SLCO6A1: variants seen among roughly 807,000 people sequenced by gnomAD.
The protein encoded by SLCO6A1 is solute carrier organic anion transporter family member 6A1.
In SLCO6A1, 65 loss-of-function variants were observed where a neutral mutation model predicts 72.7. The ratio of observed to expected loss-of-function variants is 0.89; its 90% confidence interval spans 0.73 to 1.10. SLCO6A1 has a LOEUF of 1.10. SLCO6A1 is among the 50% of genes least tolerant of loss of function. SLCO6A1 has a pLI of 0.00. For missense variants in SLCO6A1, 874 were observed against 872.6 expected (o/e 1.00, Z -0.02); for synonymous variants, 314 against 298.2 (o/e 1.05, Z -0.55).
chr5:102,467,806 T>C (rs1038346124), intron 4 of SLCO6A1, among the ~76,000 whole-genome samples: 3 of 152,124 alleles, frequency 2.0e-5, no homozygotes, highest in Non-Finnish European at 4.4e-5. Flanking sequence ...CATTTATCTT[T>C]TGTATTTTTG....
chr5:102,494,542 GCAT>G (rs1204840667), intron 1 of SLCO6A1, among the ~76,000 whole-genome samples: 1 of 152,128 alleles, frequency 6.6e-6, no homozygotes, highest in African/African-American at 2.4e-5. Flanking sequence ...CAAAAGGCTT[GCAT>G]CCAGATTATA....
chr5:102,403,229 C>G (rs111884380), intron 9 of SLCO6A1, among the ~76,000 whole-genome samples: 2 of 152,222 alleles, frequency 1.3e-5, no homozygotes, highest in African/African-American at 4.8e-5. Flanking sequence ...GCTTGTGAGC[C>G]TTGAACAGGA....
chr5:102,454,111 G>T (rs987642967), intron 6 of SLCO6A1, among the ~76,000 whole-genome samples: 1 of 152,068 alleles, frequency 6.6e-6, no homozygotes, highest in African/African-American at 2.4e-5. Context: ...GCTGCCTCTG[G>T]TAGCTACGAT....
intron 12 of SLCO6A1, among the ~76,000 whole-genome samples, chr5:102,383,012 T>C (rs1018676170): frequency 4.7e-5 from 7 of 148,692 alleles, no homozygotes; most frequent in Non-Finnish European, 1.0e-4. Flanking sequence ...ATGAAAAGTC[T>C]ATTGTATATA....
intron 6 of SLCO6A1, among the ~76,000 whole-genome samples, chr5:102,449,252 A>G (rs1484494718): frequency 2.6e-5 from 4 of 151,896 alleles, no homozygotes; most frequent in African/African-American, 9.7e-5. Flanking sequence ...GATGGGGTTG[A>G]CTTTGTAGGT....
At chr5:102,407,534 CATCA>C (rs1267426102) in intron 9 of SLCO6A1, among the ~76,000 whole-genome samples, 1 of 152,174 alleles carries the variant, frequency 6.6e-6, no homozygotes, top group Non-Finnish European at 1.5e-5. Context: ...CATCTGCCTG[CATCA>C]ATCAGTTTTA....
Position 102,390,536 on chromosome 5 carries a change from A to C in SLCO6A1, c.1879+445T>G, listed in dbSNP as rs545400968. ...TTAAGAAATTCAAAGAAAATAGTAC[A>C]TTACCTCCCAACATTTATTTGTTCT... is the stretch of plus-strand genomic sequence containing the variant. On this transcript the variant is annotated intron_variant, in intron 11 of 13. Transcript: ENST00000506729. Among the ~76,000 whole-genome samples, 11 of 152,310 alleles carry C rather than the reference A, an allele frequency of 7.2e-5. No homozygotes were observed. The South Asian group carries it at 2.3e-3, about 32-fold the overall frequency.
At chr5:102,391,818 T>A (rs1481555518) in intron 10 of SLCO6A1, among the ~76,000 whole-genome samples, 1 of 151,482 alleles carries the variant, frequency 6.6e-6, no homozygotes, top group Non-Finnish European at 1.5e-5. Context: ...ACTCACTATT[T>A]AAAAGCTAAA....
intron 4 of SLCO6A1, among the ~76,000 whole-genome samples, chr5:102,464,096 C>A (rs1332232643): frequency 6.6e-6 from 1 of 151,818 alleles, no homozygotes; most frequent in African/African-American, 2.4e-5. Context: ...ACAGTGTACA[C>A]TTCTCAGGTG....
Position 102,480,371 on chromosome 5 carries a change from G to C in SLCO6A1, c.422C>G (p.Thr141Ser). 1.9e-6 allele frequency: 3 copies of C among 1,613,330 alleles called. No homozygotes were observed. Among genetic ancestry groups the C allele is most frequent in the Non-Finnish European group, 2.5e-6 (3 of 1,179,586 alleles). Residue 141 changes from threonine to serine, a missense_variant, in exon 2 of 14, where the codon ACC (threonine) becomes AGC (serine). Coordinates refer to ENST00000506729, the MANE Select transcript of SLCO6A1 (RefSeq NM_173488.5). ...GDFQKEYQLK[T>S]IEKLALEKSY... ...CTTTTCCAATGCCAACTTCTCAATG[G>C]TTTTCAGTTGATATTCCTTCTGAAA...
rs1193873165 is a variant in SLCO6A1 at position 102,378,153 on chromosome 5, CT to C, written c.2018-4660del. 3.3e-5 allele frequency among the ~76,000 whole-genome samples: 5 copies of C among 150,328 alleles called. No homozygotes were observed. In the South Asian group the frequency reaches 6.3e-4, roughly 19 times the overall value. ...TCATAGTGATTTGCAAAGTAATTTTCTTTTTTTTTAAATTATACTTTAAGTT... is the reference window on the plus strand; with the variant it reads ...TCATAGTGATTTGCAAAGTAATTTTCTTTTTTTTAAATTATACTTTAAGTT... On this transcript the variant is annotated intron_variant, in intron 12 of 13. Transcript: ENST00000506729.
At position 102,399,571 on chromosome 5, in the gene SLCO6A1, C is replaced by T. The variant is rs547449839; in HGVS notation, c.1798G>A (p.Val600Ile). ...TATACATACCGCGTCATGGCCAAGA[C>T]GATTGGTACACCAGAAAAACCAGAA... ...IFSGFSGVPI[V>I]LAMTRVVPDK... Residue 600 changes from valine (V) to isoleucine (I), a missense_variant, in exon 10 of 14, where the codon GTC becomes ATC. Physicochemically the swap from Val to Ile is conservative, Grantham distance 29. Transcript: ENST00000506729. 84 of 1,565,530 alleles carry T rather than the reference C, an allele frequency of 5.4e-5. No individual in the cohort carries two copies. Among genetic ancestry groups the T allele is most frequent in the Non-Finnish European group, 6.9e-5 (80 of 1,152,648 alleles).
At chr5:102,413,810 G>A (rs969341748) in intron 8 of SLCO6A1, among the ~76,000 whole-genome samples, 2 of 152,086 alleles carry the variant, frequency 1.3e-5, no homozygotes, top group African/African-American at 4.8e-5. Context: ...ACATTTTAAC[G>A]GGGTGTAGTA....
intron 9 of SLCO6A1, among the ~76,000 whole-genome samples, chr5:102,400,446 T>C (rs1747336002): frequency 6.6e-6 from 1 of 152,054 alleles, no homozygotes; most frequent in African/African-American, 2.4e-5. Flanking sequence ...GGCAAAAGTG[T>C]CTAGAGTCAA....
intron 4 of SLCO6A1, among the ~76,000 whole-genome samples, chr5:102,463,302 A>G (rs1751138505): frequency 6.6e-6 from 1 of 152,220 alleles, no homozygotes; most frequent in South Asian, 2.1e-4. Context: ...TGAGAAGGGA[A>G]TACTTTTACA....
At chr5:102,409,141 C>A (rs1307979272) in intron 9 of SLCO6A1, among the ~76,000 whole-genome samples, 2 of 152,066 alleles carry the variant, frequency 1.3e-5, no homozygotes, top group Non-Finnish European at 2.9e-5. Context: ...GTGTGGTTCT[C>A]AGTGAGGAAA....
At chr5:102,448,114 T>C (rs764148900) in intron 6 of SLCO6A1, among the ~76,000 whole-genome samples, 21 of 152,242 alleles carry the variant, frequency 1.4e-4, no homozygotes, top group Non-Finnish European at 2.5e-4. Context: ...ATTTCTGCCT[T>C]AATTTTATTG....
chr5:102,459,182 G>C (rs185998976), intron 5 of SLCO6A1, among the ~76,000 whole-genome samples: 2 of 152,104 alleles, frequency 1.3e-5, no homozygotes, highest in Non-Finnish European at 2.9e-5. Context: ...AGCTAAGGTG[G>C]AAGGATAGTT....
chr5:102,417,507 T>C (rs867470178), intron 8 of SLCO6A1, among the ~76,000 whole-genome samples: 2 of 152,128 alleles, frequency 1.3e-5, no homozygotes, highest in Non-Finnish European at 2.9e-5. Flanking sequence ...GACTCTGTTA[T>C]TTTAGTGATT....
Sources: allele counts gnomAD v4.1 joint callset (sites outside exome capture counted in the v4.1 genomes callset), GRCh38; gene constraint gnomAD v4.1.1; transcripts MANE v1.5; gene names NCBI Gene and HGNC (gene_info 2026-07-23, HGNC 2026-07-21).